The following NAGPA variants were observed in gnomAD, a reference collection of about 807,000 sequenced individuals.
The protein encoded by NAGPA is alpha-N-acetylglucosaminyl phosphodiesterase.
Under a neutral mutation model 48.5 loss-of-function variants are expected in NAGPA, and 56 were observed. The observed-to-expected ratio is 1.15, with a 90% CI of 0.93 to 1.44. NAGPA has a LOEUF of 1.44. NAGPA is among the 40% of genes most tolerant of loss of function. The pLI is 0.00. For missense variants in NAGPA, 888 were observed against 735.0 expected, an observed-to-expected ratio of 1.21 and a Z score of -2.41; for synonymous variants, 399 against 315.5, an observed-to-expected ratio of 1.26 and a Z score of -2.81.
Position 5,025,463 on chromosome 16 carries a change from G to A in NAGPA, c.*15C>T, listed in dbSNP as rs748610665. On this transcript the variant is annotated 3_prime_UTR_variant, in exon 10 of 10. Coordinates refer to ENST00000312251, the MANE Select transcript of NAGPA (RefSeq NM_016256.4). Reference sequence around the variant, plus strand: ...ACAAGCTTTCGCGACGTGCCACCCCGGGCAGCTTGAGGCTTCAGTCCTTGA... The same window carrying A: ...ACAAGCTTTCGCGACGTGCCACCCCAGGCAGCTTGAGGCTTCAGTCCTTGA... 12 of 1,611,208 alleles carry A rather than the reference G, an allele frequency of 7.4e-6. No homozygotes were observed. Among genetic ancestry groups the A allele is most frequent in the South Asian group, 5.5e-5 (5 of 90,984 alleles).
At chr16:5,029,829 TG>T (rs1956069294) in intron 4 of NAGPA, 1 of 162,624 alleles carries the variant, frequency 6.1e-6, no homozygotes, top group Non-Finnish European at 1.3e-5. Context: ...GAGGCTAAGG[TG>T]GGAGGATCAC....
chr16:5,025,519 T>C lies in NAGPA; in HGVS notation c.1507A>G (p.Lys503Glu), dbSNP rs781409192. The change falls in exon 10 of 10, where the codon AAG (lysine) becomes GAG (glutamate). Residue 503 changes from lysine to glutamate, a missense_variant. Physicochemically the swap from Lys to Glu is moderately conservative, Grantham distance 56. Transcript: ENST00000312251. ...TTGTGGGCGCCCCCTGGCTGCTCCT[T>C]CTCTGCGGCCAGAGGCTCCCCGTTC... ...EMNGEPLAAE[K>E]EQPGGAHNPF... 3.1e-6 allele frequency: 5 copies of C among 1,612,736 alleles called. No individual in the cohort carries two copies. The South Asian group carries it at 4.4e-5, about 14-fold the overall frequency.
rs1403890105 is a variant in NAGPA at position 5,024,869 on chromosome 16, G to C, written c.*609C>G. 1 of 156,450 alleles carries C rather than the reference G, an allele frequency of 6.4e-6. No homozygotes were observed. The highest frequency in any genetic ancestry group is 2.4e-5 in the African/African-American group (1 of 41,432). The allele number at this position is 156,450 out of a possible 1,614,324, so 9.7% of individuals were successfully genotyped here. ...TTCAGAATCCACACACCACCTGGTG[G>C]CTCCTTTTATTATATCAATTTATTC... is the stretch of plus-strand genomic sequence containing the variant. On this transcript the variant is annotated 3_prime_UTR_variant, in exon 10 of 10. Coordinates refer to ENST00000312251, the MANE Select transcript of NAGPA (RefSeq NM_016256.4).
chr16:5,032,990 C>A, intron 2 of NAGPA: 1 of 559,058 alleles, frequency 1.8e-6, no homozygotes, highest in Non-Finnish European at 3.2e-6. Context: ...TAGCTATTTA[C>A]CCGGCTTTTG....
intron 5 of NAGPA, chr16:5,028,513 G>T (rs569027334): frequency 1.3e-5 from 8 of 607,576 alleles, no homozygotes; most frequent in African/African-American, 1.3e-4. Context: ...GGGATTCCAG[G>T]CGTGAGCCCC....
intron 2 of NAGPA, among the ~76,000 whole-genome samples, chr16:5,032,148 C>G (rs1463383540): frequency 6.6e-6 from 1 of 152,100 alleles, no homozygotes; most frequent in Admixed American, 6.5e-5. Flanking sequence ...TGACCATCCC[C>G]CAACAGAGCT....
Position 5,025,299 on chromosome 16 carries a change from T to C in NAGPA, c.*179A>G, listed in dbSNP as rs1232283555. The C allele has an allele frequency of 5.6e-6, 4 of 715,928 alleles. No individual in the cohort carries two copies. In the African/African-American group the frequency reaches 7.1e-5, roughly 13 times the overall value. 44.3% of individuals were successfully genotyped at this position (715,928 alleles called of 1,614,324 possible). On this transcript the variant is annotated 3_prime_UTR_variant, in exon 10 of 10. Transcript: ENST00000312251. ...AGCATGGTATTGCTAGGGTTGCAGGTGCCCTGGCAGGTGGCCAGGTGAGGG... is the reference window on the plus strand; with the variant it reads ...AGCATGGTATTGCTAGGGTTGCAGGCGCCCTGGCAGGTGGCCAGGTGAGGG...
At position 5,033,614 on chromosome 16, in the gene NAGPA, A is replaced by C. The variant is rs1956147512; in HGVS notation, c.201T>G (p.Pro67=). The change falls in exon 2 of 10, where the codon CCT becomes CCG. Residue 67 remains proline, a synonymous_variant. Coordinates refer to ENST00000312251, the MANE Select transcript of NAGPA (RefSeq NM_016256.4). This position sits in a 1 kb window ranked among gnomAD's most constrained non-coding sequence, Gnocchi z 4.2. ...GNREHESWPP[P]PATPGAGGLA... is the part of the protein sequence containing the mutation. ...GACCGCCGGCGCCGGGAGTCGCGGG[A>C]GGCGGAGGCCAACTCTCGTGCTCGC... 2.0e-6 allele frequency: 3 copies of C among 1,509,636 alleles called. No homozygotes were observed. Among genetic ancestry groups the C allele is most frequent in the Admixed American group, 2.2e-5 (1 of 44,842 alleles). 93.5% of individuals were successfully genotyped at this position (1,509,636 alleles called of 1,614,324 possible). A position where few individuals can be genotyped will look rare whatever the true frequency, so the allele number is the denominator to read the frequency against.
Position 5,033,275 on chromosome 16 carries a change from G to C in NAGPA, c.540C>G (p.Thr180=). The part of the protein sequence containing the change: ...FGIRRDGTLV[T]GYLSEEEVLD... Reference sequence around the variant, plus strand: ...CACGGGGCTCCCTGCCTCCTCACCCGGTGACCAGGGTCCCGTCGCGGCGGA... The same window carrying C: ...CACGGGGCTCCCTGCCTCCTCACCCCGTGACCAGGGTCCCGTCGCGGCGGA... Residue 180 remains threonine (T), a splice_region_variant and synonymous_variant, in exon 2 of 10, where the codon ACC becomes ACG. Coordinates refer to ENST00000312251, the MANE Select transcript of NAGPA (RefSeq NM_016256.4). This position sits in a 1 kb window ranked among gnomAD's most constrained non-coding sequence, Gnocchi z 4.2. 1 of 1,592,102 alleles carries C rather than the reference G, an allele frequency of 6.3e-7. No individual in the cohort carries two copies. Among genetic ancestry groups the C allele is most frequent in the South Asian group, 1.1e-5 (1 of 89,898 alleles).
rs374286349 is a variant in NAGPA, at chr16:5,032,297, TATC to T, written c.543-416_543-414del. ...TCCCACTCAGGATCAGAACAAGCTT[TATC>T]ATCAACAAATACTTTTTTTTTGAGA... On this transcript the variant is annotated intron_variant, in intron 2 of 9. Transcript: ENST00000312251. Among the ~76,000 whole-genome samples the T allele has an allele frequency of 7.2e-5, 11 of 152,320 alleles. No individual in the cohort carries two copies. In the East Asian group the frequency reaches 1.9e-3, roughly 27 times the overall value.
chr16:5,033,130 G>C lies in NAGPA; in HGVS notation c.542+143C>G. The C allele has an allele frequency of 1.0e-6, 1 of 977,538 alleles. No individual in the cohort carries two copies. The highest frequency in any genetic ancestry group is 1.5e-6 in the Non-Finnish European group (1 of 652,904). 60.6% of individuals were successfully genotyped at this position (977,538 alleles called of 1,614,324 possible). A position where few individuals can be genotyped will look rare whatever the true frequency, so the allele number is the denominator to read the frequency against. ...TGATACTGGATGATGAATAAACTCTGCAAGGAAGCGATTCCTATCCCCATT... is the reference window on the plus strand; with the variant it reads ...TGATACTGGATGATGAATAAACTCTCCAAGGAAGCGATTCCTATCCCCATT... On this transcript the variant is annotated intron_variant, in intron 2 of 9. Coordinates refer to ENST00000312251, the MANE Select transcript of NAGPA (RefSeq NM_016256.4). This position sits in a 1 kb window ranked among gnomAD's most constrained non-coding sequence, Gnocchi z 4.2.
In NAGPA at chr16:5,033,739, G is replaced by A; in HGVS notation, c.87-11C>T. ...TCGTCGCGGGAGGCCCTGCGGGGAC[G>A]GGCGGCCGTGAGCTCAGGGGGCTGT... On this transcript the variant is annotated splice_polypyrimidine_tract_variant and intron_variant, in intron 1 of 9. Coordinates refer to ENST00000312251, the MANE Select transcript of NAGPA (RefSeq NM_016256.4). This position sits in a 1 kb window ranked among gnomAD's most constrained non-coding sequence, Gnocchi z 4.2. The A allele has an allele frequency of 6.2e-7, 1 of 1,600,448 alleles. No homozygotes were observed. Among genetic ancestry groups the A allele is most frequent in the Non-Finnish European group, 8.5e-7 (1 of 1,175,394 alleles).
chr16:5,033,464 C>A lies in NAGPA; in HGVS notation c.351G>T (p.Ala117=). 6.3e-7 allele frequency: 1 copy of A among 1,582,242 alleles called. No homozygotes were observed. Among genetic ancestry groups the A allele is most frequent in the South Asian group, 1.1e-5 (1 of 89,428 alleles). ...LEPGGPGGCA[A]RRRATVEETA... ...TCTCCTCCACGGTGGCGCGTCGTCT[C>A]GCCGCGCAGCCGCCGGGTCCACCGG... Residue 117 remains alanine (A), a synonymous_variant, in exon 2 of 10, where the codon GCG becomes GCT. Transcript: ENST00000312251. This position sits in a 1 kb window ranked among gnomAD's most constrained non-coding sequence, Gnocchi z 4.2.
At position 5,025,622 on chromosome 16, in the gene NAGPA, G is replaced by A; in HGVS notation, c.1404C>T (p.Asn468=). 2 of 1,613,938 alleles carry A rather than the reference G, an allele frequency of 1.2e-6. No individual in the cohort carries two copies. The highest frequency in any genetic ancestry group is 2.2e-5 in the South Asian group (2 of 91,062). The part of the protein sequence containing the change: ...AFLLLISTAA[N]LSLLLSRAER... Reference sequence around the variant, plus strand: ...CTGCTCTGGACAGGAGCAAGGACAGGTTTGCTGCAGTGCTGATCAGCAGGA... The same window carrying A: ...CTGCTCTGGACAGGAGCAAGGACAGATTTGCTGCAGTGCTGATCAGCAGGA... Residue 468 remains asparagine, a synonymous_variant, in exon 10 of 10, where the codon AAC becomes AAT. Coordinates refer to ENST00000312251, the MANE Select transcript of NAGPA (RefSeq NM_016256.4).
At chr16:5,027,239 A>G (rs780839169) in intron 8 of NAGPA, 39 bp downstream of exon 8, 1 of 1,614,096 alleles carries the variant, frequency 6.2e-7, no homozygotes, top group Non-Finnish European at 8.5e-7. Flanking sequence ...CCGGAGCAGG[A>G]GCGTCTGCCC....
intron 7 of NAGPA, among the ~76,000 whole-genome samples, 176 bp downstream of exon 7, chr16:5,027,670 G>A (rs990437166): frequency 6.6e-6 from 1 of 152,198 alleles, no homozygotes; most frequent in Non-Finnish European, 1.5e-5. Context: ...GCCCTTTGTG[G>A]AACGGGCCGC....
rs1365520245 is a variant in NAGPA at position 5,025,640 on chromosome 16, C to T, written c.1386G>A (p.Leu462=). 1 of 1,613,584 alleles carries T rather than the reference C, an allele frequency of 6.2e-7. No homozygotes were observed. Among genetic ancestry groups the T allele is most frequent in the Non-Finnish European group, 8.5e-7 (1 of 1,179,942 alleles). The stretch of plus-strand genomic sequence containing the variant: ...AGGACAGGTTTGCTGCAGTGCTGAT[C>T]AGCAGGAGGAAGGCCAGCGCCAGGG... ...ALTLALAFLL[L]ISTAANLSLL... is the part of the protein sequence containing the mutation. The change falls in exon 10 of 10, where the codon CTG becomes CTA. Residue 462 remains leucine, a synonymous_variant. Transcript: ENST00000312251.
rs768340623 is a variant in NAGPA, at chr16:5,025,496, G to C, written c.1530C>G (p.His510Gln). 21 of 1,612,144 alleles carry C rather than the reference G, an allele frequency of 1.3e-5. No individual in the cohort carries two copies. The highest frequency in any genetic ancestry group is 1.7e-5 in the Non-Finnish European group (20 of 1,179,974). ...AAEKEQPGGA[H>Q]NPFKD ...TGAGGCTTCAGTCCTTGAAGGGGTTGTGGGCGCCCCCTGGCTGCTCCTTCT... is the reference window on the plus strand; with the variant it reads ...TGAGGCTTCAGTCCTTGAAGGGGTTCTGGGCGCCCCCTGGCTGCTCCTTCT... Residue 510 changes from histidine to glutamine, a missense_variant, in exon 10 of 10, where the codon CAC becomes CAG. Transcript: ENST00000312251.
At chr16:5,032,000 A>C (rs1351926055) in intron 2 of NAGPA, 116 bp from the exon 3 acceptor site, 4 of 1,378,480 alleles carry the variant, frequency 2.9e-6, no homozygotes, top group Admixed American at 1.8e-5. Context: ...TGCCCCAGGA[A>C]CCTCCTGGGG....
Sources: gnomAD v4.1 joint callset for allele counts (sites outside exome capture counted in the v4.1 genomes callset) on GRCh38, gnomAD v4.1.1 for gene constraint, Gnocchi (gnomAD v3.1) non-coding constraint, MANE v1.5 for transcripts, NCBI Gene and HGNC (gene_info 2026-07-23, HGNC 2026-07-21) for gene names.